The following HDAC9 variants were observed in gnomAD, a reference collection of about 807,000 sequenced individuals.
HDAC9 encodes the protein MEF-2 interacting transcription repressor (MITR) protein.
Under a neutral mutation model 139.4 loss-of-function variants are expected in HDAC9, and 41 were observed. That is an observed-to-expected ratio of 0.29 (90% CI 0.23 to 0.38). The LOEUF (loss-of-function observed/expected upper bound fraction) is 0.38. Among genes scored for constraint, HDAC9 ranks in the 10% least tolerant of loss-of-function variants. The pLI, the probability that HDAC9 is intolerant of heterozygous loss-of-function variation, is 1.00. For missense variants in HDAC9, 1,147 were observed against 1,297.0 expected (o/e 0.88, Z 1.78); for synonymous variants, 517 against 476.2 (o/e 1.09, Z -1.12).
chr7:18,904,724 C>T (rs1259065656), intron 22 of HDAC9, among the ~76,000 whole-genome samples: 5 of 150,738 alleles, frequency 3.3e-5, no homozygotes, highest in Non-Finnish European at 1.5e-5. Context: ...TACAGGCAAC[C>T]GCCACCACGC....
chr7:18,828,885 A>G (rs889882774), intron 17 of HDAC9, among the ~76,000 whole-genome samples: 1 of 152,220 alleles, frequency 6.6e-6, no homozygotes, highest in African/African-American at 2.4e-5. Context: ...AACAGCTGAC[A>G]TGCATGTTTG....
chr7:18,143,944 C>A (rs960503152), intron 1 of HDAC9, among the ~76,000 whole-genome samples: 1 of 151,996 alleles, frequency 6.6e-6, no homozygotes, highest in Non-Finnish European at 1.5e-5. Context: ...AAGCCTAAAT[C>A]GACATGGATC....
intron 1 of HDAC9, among the ~76,000 whole-genome samples, chr7:18,479,088 A>T (rs1586184713): frequency 6.6e-6 from 1 of 152,138 alleles, no homozygotes; most frequent in South Asian, 2.1e-4. Flanking sequence ...TTCCCTTTTT[A>T]AAAGTGTCTT....
intron 2 of HDAC9, among the ~76,000 whole-genome samples, chr7:18,259,643 G>A (rs1047957660): frequency 1.3e-5 from 2 of 152,222 alleles, no homozygotes; most frequent in Non-Finnish European, 2.9e-5. Context: ...GAGATTACAG[G>A]CGTGAGCCAT....
chr7:18,958,822 T>C (rs958553746), intron 24 of HDAC9, among the ~76,000 whole-genome samples: 4 of 152,206 alleles, frequency 2.6e-5, no homozygotes, highest in Non-Finnish European at 5.9e-5. Flanking sequence ...GCAAAATACA[T>C]GAGAGTCCAT....
At position 18,977,395 on chromosome 7, in the gene HDAC9, C is replaced by T. The variant is rs370267636; in HGVS notation, c.3170+1442C>T. On this transcript the variant is annotated intron_variant, in intron 25 of 25. Coordinates refer to ENST00000686413, the MANE Select transcript of HDAC9 (RefSeq NM_178425.4). ...TTCTTTAGAATTTAATATAGAAAAA[C>T]GAAGCTAAATTCCAACCTGAGTGAA... 9.2e-5 allele frequency among the ~76,000 whole-genome samples: 14 copies of T among 152,208 alleles called. No individual in the cohort carries two copies. The East Asian group carries it at 2.3e-3, about 25-fold the overall frequency.
intron 6 of HDAC9, among the ~76,000 whole-genome samples, chr7:18,594,875 T>C (rs1230361518): frequency 2.0e-5 from 3 of 152,098 alleles, no homozygotes; most frequent in Non-Finnish European, 4.4e-5. Context: ...TCTGAAAAGA[T>C]ATTCATGTAA....
chr7:18,247,588 A>G (rs1249712633), intron 2 of HDAC9, among the ~76,000 whole-genome samples: 1 of 152,184 alleles, frequency 6.6e-6, no homozygotes. Context: ...AGACTTTCTC[A>G]TAAAAGCTGA....
intron 2 of HDAC9, among the ~76,000 whole-genome samples, chr7:18,565,606 A>G (rs1255380143): frequency 6.6e-6 from 1 of 152,150 alleles, no homozygotes; most frequent in African/African-American, 2.4e-5. Context: ...ACAGGACTAC[A>G]TATTTTGGAC....
At chr7:18,722,342 A>T (rs548177397) in intron 12 of HDAC9, among the ~76,000 whole-genome samples, 8 of 152,340 alleles carry the variant, frequency 5.3e-5, no homozygotes, top group African/African-American at 1.9e-4. Context: ...AAGGGGGGTA[A>T]CACATTTTCT....
At chr7:18,901,499 C>T (rs1801719958) in intron 22 of HDAC9, among the ~76,000 whole-genome samples, 1 of 152,014 alleles carries the variant, frequency 6.6e-6, no homozygotes, top group Non-Finnish European at 1.5e-5. Flanking sequence ...TCTGGTAAGC[C>T]TGTTTGTTAT....
intron 14 of HDAC9, among the ~76,000 whole-genome samples, chr7:18,759,844 G>C (rs1310608718): frequency 4.6e-5 from 7 of 152,134 alleles, no homozygotes; most frequent in Middle Eastern, 3.2e-3. Context: ...AAAGGTGTTG[G>C]ACAAGCATAG....
chr7:18,679,087 C>T (rs1781713467), intron 12 of HDAC9, among the ~76,000 whole-genome samples: 1 of 151,828 alleles, frequency 6.6e-6, no homozygotes, highest in Non-Finnish European at 1.5e-5. Context: ...AAAAATAAAT[C>T]CAGCTATTCT....
intron 2 of HDAC9, chr7:18,578,333 G>A (rs1826686962): frequency 2.2e-6 from 1 of 459,048 alleles, no homozygotes. Context: ...CCTGCGGAAA[G>A]AAGCTCTACT....
intron 23 of HDAC9, among the ~76,000 whole-genome samples, chr7:18,937,516 T>G (rs904875906): frequency 6.6e-6 from 1 of 152,192 alleles, no homozygotes; most frequent in Non-Finnish European, 1.5e-5. Context: ...GTTGAGTGTT[T>G]TTTTGTGGCA....
chr7:18,286,872 A>T (rs530772218), upstream of HDAC9, among the ~76,000 whole-genome samples: 1 of 152,078 alleles, frequency 6.6e-6, no homozygotes. Context: ...TTGATGCACA[A>T]TTCATTTGGG....
intron 6 of HDAC9, among the ~76,000 whole-genome samples, chr7:18,605,675 G>A (rs1197927832): frequency 6.6e-6 from 1 of 151,856 alleles, no homozygotes; most frequent in Non-Finnish European, 1.5e-5. Flanking sequence ...GGCCCCTGGA[G>A]TTTTGTTTGT....
chr7:18,095,002 A>G (rs1229242062), intron 1 of HDAC9, among the ~76,000 whole-genome samples: 1 of 152,188 alleles, frequency 6.6e-6, no homozygotes, highest in African/African-American at 2.4e-5. Flanking sequence ...TTCCACGGAT[A>G]TGTTATGTGA....
Position 18,648,523 on chromosome 7 carries a change from G to C in HDAC9, c.1307G>C (p.Gly436Ala). 1 of 1,613,276 alleles carries C rather than the reference G, an allele frequency of 6.2e-7. No homozygotes were observed. Among genetic ancestry groups the C allele is most frequent in the Non-Finnish European group, 8.5e-7 (1 of 1,179,702 alleles). The change falls in exon 11 of 26, where the codon GGC becomes GCC. Residue 436 changes from glycine to alanine, a missense_variant. Transcript: ENST00000686413. ...PLATKERISP[G>A]IRGTHKLPRH... ...GCAACAAAAGAGAGAATTTCACCTG[G>C]CATTAGAGGTACCCACAAATTGCCC...
Sources: gnomAD v4.1 joint callset for allele counts (sites outside exome capture counted in the v4.1 genomes callset) on GRCh38, gnomAD v4.1.1 for gene constraint, MANE v1.5 for transcripts, NCBI Gene and HGNC (gene_info 2026-07-23, HGNC 2026-07-21) for gene names.